Variants in MCEE observed in about 807,000 individuals in gnomAD.
MCEE encodes methylmalonyl-CoA epimerase.
In MCEE, 6 loss-of-function variants were observed where a neutral mutation model predicts 12.9. The ratio of observed to expected loss-of-function variants is 0.47; its 90% CI spans 0.26 to 0.92. The LOEUF (loss-of-function observed/expected upper bound fraction) is 0.92. MCEE is among the 40% of genes least tolerant of loss of function. The pLI is 0.16. For synonymous variants in MCEE, 78 were observed against 77.9 expected (o/e 1.00, Z -0.01); for missense variants, 214 against 212.1 (o/e 1.01, Z -0.05).
At chr2:71,123,503 A>G (rs1673143974) in intron 2 of MCEE, among the ~76,000 whole-genome samples, 1 of 152,030 alleles carries the variant, frequency 6.6e-6, no homozygotes, top group Admixed American at 6.6e-5. Context: ...AAAAAAAAAA[A>G]AAAAAAGAAA....
At chr2:71,125,209 A>AT (rs1449400615) in intron 1 of MCEE, among the ~76,000 whole-genome samples, 843 of 48,090 alleles carry the variant, frequency 0.018, 19 homozygotes, top group Middle Eastern at 0.096. Context: ...ATATATATAT[A>AT]TATTTTTTTT....
chr2:71,112,934 T>C (rs1293555781), intron 2 of MCEE, among the ~76,000 whole-genome samples: 1 of 152,264 alleles, frequency 6.6e-6, no homozygotes. Flanking sequence ...ATCTGTCTTA[T>C]GCTCTATTCT....
At position 71,124,334 on chromosome 2, in the gene MCEE, C is replaced by T. The variant is rs771328116; in HGVS notation, c.250G>A (p.Val84Ile). The T allele has an allele frequency of 1.9e-6, 3 of 1,614,074 alleles. No individual in the cohort carries two copies. The South Asian group carries it at 3.3e-5, about 18-fold the overall frequency. ...CCCAGGTTGACAAAAACAACAGATA[C>T]TCCATGTTCAGGAAGAGGGACCGCT... ...SEAVPLPEHG[V>I]SVVFVNLGNT... The change falls in exon 2 of 3, where the codon GTA becomes ATA. Residue 84 changes from valine (V) to isoleucine (I), a missense_variant. Val to Ile is a conservative substitution (Grantham distance 29). Coordinates refer to ENST00000244217, the MANE Select transcript of MCEE (RefSeq NM_032601.4).
At chr2:71,119,162 C>T (rs1161152723) in intron 2 of MCEE, among the ~76,000 whole-genome samples, 4 of 150,436 alleles carry the variant, frequency 2.7e-5, no homozygotes, top group Non-Finnish European at 4.4e-5. Context: ...GAAATACAGT[C>T]ATGTGTCACT....
chr2:71,110,462 G>T (rs1039266396), intron 2 of MCEE, among the ~76,000 whole-genome samples: 2 of 151,902 alleles, frequency 1.3e-5, no homozygotes, highest in Non-Finnish European at 2.9e-5. Flanking sequence ...GAGAACCCTG[G>T]GTCCTCATCT....
intron 1 of MCEE, among the ~76,000 whole-genome samples, chr2:71,125,049 C>T (rs1673187550): frequency 6.6e-6 from 1 of 151,020 alleles, no homozygotes; most frequent in Non-Finnish European, 1.5e-5. Flanking sequence ...TGCAACAGTG[C>T]GATCTCAGCT....
chr2:71,120,054 G>A (rs1220144835), intron 2 of MCEE, among the ~76,000 whole-genome samples: 1 of 149,840 alleles, frequency 6.7e-6, no homozygotes, highest in African/African-American at 2.5e-5. Context: ...CCCTCTCTCT[G>A]AAGGAAAAAA....
At chr2:71,125,211 A>ATATATTTTTTTTT in intron 1 of MCEE, among the ~76,000 whole-genome samples, 34 of 48,596 alleles carry the variant, frequency 7.0e-4, no homozygotes, top group Non-Finnish European at 7.0e-4. Flanking sequence ...ATATATATAT[A>ATATATTTTTTTTT]TTTTTTTTTT....
rs1028887833 is a variant in MCEE, at chr2:71,124,943, A to G, written c.41-400T>C. ...CTACCTGTACCCAATTTTTTGTCTT[A>G]TATTTTGTAATAAGTTCATTAAAGG... On this transcript the variant is annotated intron_variant, in intron 1 of 2. Transcript: ENST00000244217. Among the ~76,000 whole-genome samples, 10 of 151,896 alleles carry G rather than the reference A, an allele frequency of 6.6e-5. No individual in the cohort carries two copies. The South Asian group carries it at 1.5e-3, about 22-fold the overall frequency.
intron 1 of MCEE, among the ~76,000 whole-genome samples, chr2:71,127,251 C>T (rs1451047731): frequency 2.6e-5 from 4 of 152,234 alleles, no homozygotes; most frequent in African/African-American, 9.6e-5. Flanking sequence ...AATATCAATT[C>T]TCGTTAATCA....
chr2:71,129,389 T>C (rs1434410837), intron 1 of MCEE, among the ~76,000 whole-genome samples: 1 of 152,024 alleles, frequency 6.6e-6, no homozygotes, highest in Non-Finnish European at 1.5e-5. Context: ...GAAGGATTTA[T>C]CACGAATGTC....
At chr2:71,112,607 TG>T (rs1279767689) in intron 2 of MCEE, among the ~76,000 whole-genome samples, 1 of 151,996 alleles carries the variant, frequency 6.6e-6, no homozygotes, top group Non-Finnish European at 1.5e-5. Flanking sequence ...GGCTAATTTT[TG>T]TATTTTTAGT....
At chr2:71,115,754 G>A (rs1241624389) in intron 2 of MCEE, among the ~76,000 whole-genome samples, 1 of 146,356 alleles carries the variant, frequency 6.8e-6, no homozygotes, top group African/African-American at 2.7e-5. Flanking sequence ...CTCATAAGTG[G>A]GAGTTGAAGA....
chr2:71,110,205 G>A (rs1672860465), intron 2 of MCEE, 83 bp from the exon 3 acceptor site: 1 of 1,194,274 alleles, frequency 8.4e-7, no homozygotes, highest in Non-Finnish European at 1.2e-6. Context: ...AAAAAACTTT[G>A]AGAGCTCATG....
intron 2 of MCEE, among the ~76,000 whole-genome samples, chr2:71,120,477 GAC>G (rs1349963427): frequency 6.7e-6 from 1 of 150,332 alleles, no homozygotes; most frequent in East Asian, 1.9e-4. Context: ...GAGAGGCAAA[GAC>G]ACACAAGAAA....
chr2:71,115,304 T>C (rs1427057185), intron 2 of MCEE, among the ~76,000 whole-genome samples: 1 of 152,198 alleles, frequency 6.6e-6, no homozygotes, highest in Non-Finnish European at 1.5e-5. Context: ...AGAGGACTGC[T>C]TGAGCCCAGG....
chr2:71,117,455 A>G (rs781106540), intron 2 of MCEE: 2 of 150,526 alleles, frequency 1.3e-5, no homozygotes, highest in Non-Finnish European at 2.9e-5. Context: ...TTTTTTAAAA[A>G]GGAGAATATT....
intron 1 of MCEE, among the ~76,000 whole-genome samples, chr2:71,127,955 C>T (rs936343839): frequency 2.6e-5 from 4 of 152,152 alleles, no homozygotes; most frequent in Non-Finnish European, 1.5e-5. Context: ...CACTGAATAT[C>T]TGGTTTGAGG....
chr2:71,125,365 G>T (rs555007015), intron 1 of MCEE, among the ~76,000 whole-genome samples: 1 of 151,326 alleles, frequency 6.6e-6, no homozygotes, highest in East Asian at 2.0e-4. Flanking sequence ...CCTGCCACAT[G>T]CCCGGCTAAT....
Sources: allele counts gnomAD v4.1 joint callset (sites outside exome capture counted in the v4.1 genomes callset), GRCh38; gene constraint gnomAD v4.1.1; transcripts MANE v1.5; gene names NCBI Gene and HGNC (gene_info 2026-07-23, HGNC 2026-07-21).